SGCZ: variants seen among roughly 807,000 people sequenced by gnomAD.
SGCZ encodes sarcoglycan zeta.
A neutral mutation model predicts 41.3 loss-of-function variants in SGCZ; 40 were observed. The ratio of observed to expected loss-of-function variants is 0.97; its 90% confidence interval spans 0.75 to 1.26. SGCZ has a LOEUF of 1.26. SGCZ is among the 50% of genes most tolerant of loss of function. The pLI, the probability that SGCZ is intolerant of heterozygous loss-of-function variation, is 0.00. For missense variants in SGCZ, 552 were observed against 369.8 expected (o/e 1.49, Z -4.04); for synonymous variants, 206 against 137.5 (o/e 1.50, Z -3.49).
chr8:14,647,618 A>C (rs1349402056), intron 1 of SGCZ, among the ~76,000 whole-genome samples: 1 of 152,090 alleles, frequency 6.6e-6, no homozygotes, highest in African/African-American at 2.4e-5. Context: ...TAAATTATTA[A>C]ATTAATATTA....
intron 3 of SGCZ, among the ~76,000 whole-genome samples, chr8:14,300,702 T>G (rs534036973): frequency 6.6e-6 from 1 of 152,074 alleles, no homozygotes; most frequent in Non-Finnish European, 1.5e-5. Flanking sequence ...ATGTGGTTAA[T>G]TTTGAATTTC....
intron 1 of SGCZ, among the ~76,000 whole-genome samples, chr8:14,975,523 G>C (rs1801437967): frequency 6.6e-6 from 1 of 152,014 alleles, no homozygotes; most frequent in African/African-American, 2.4e-5. Flanking sequence ...TGACCCACTT[G>C]AACACTGTTT....
At chr8:14,642,560 A>G (rs554995605) in intron 1 of SGCZ, among the ~76,000 whole-genome samples, 194 of 151,600 alleles carry the variant, frequency 1.3e-3, no homozygotes, top group Non-Finnish European at 2.4e-3. Context: ...TCTCAGTGAG[A>G]TGAAAATATT....
intron 1 of SGCZ, among the ~76,000 whole-genome samples, chr8:15,108,738 T>C (rs1018638876): frequency 6.6e-6 from 1 of 152,100 alleles, no homozygotes; most frequent in Non-Finnish European, 1.5e-5. Context: ...TGAATAGAAA[T>C]CATTATTAAT....
At chr8:14,771,331 T>G (rs1457668048) in intron 1 of SGCZ, among the ~76,000 whole-genome samples, 1 of 152,138 alleles carries the variant, frequency 6.6e-6, no homozygotes, top group African/African-American at 2.4e-5. Context: ...CTAAGAGTAA[T>G]GGATTAAAAT....
rs145088201 is a variant in SGCZ, at chr8:14,461,258, G to A, written c.234+93474C>T. Among the ~76,000 whole-genome samples the A allele has an allele frequency of 5.3e-5, 8 of 152,146 alleles. 1 individual carries two copies. Among genetic ancestry groups the A allele is most frequent in the African/African-American group, 1.9e-4 (8 of 41,528 alleles). On this transcript the variant is annotated intron_variant, in intron 2 of 7. Transcript: ENST00000382080. ...GTCCTATGAACAGCTAGTCCCACAG[G>A]AAATATCCTCTTCAACTGAAATGGC...
chr8:14,238,585 C>A (rs982683160), intron 3 of SGCZ, among the ~76,000 whole-genome samples: 1 of 152,180 alleles, frequency 6.6e-6, no homozygotes, highest in Non-Finnish European at 1.5e-5. Flanking sequence ...TAACAGCTCA[C>A]ATATTAGGCT....
At chr8:14,650,015 A>G (rs1226637497) in intron 1 of SGCZ, among the ~76,000 whole-genome samples, 1 of 152,104 alleles carries the variant, frequency 6.6e-6, no homozygotes, top group Non-Finnish European at 1.5e-5. Flanking sequence ...AGGAAACTAT[A>G]GTTGGAAATT....
At chr8:14,768,703 C>T (rs986405805) in intron 1 of SGCZ, among the ~76,000 whole-genome samples, 2 of 152,136 alleles carry the variant, frequency 1.3e-5, no homozygotes, top group East Asian at 3.9e-4. Flanking sequence ...GAGTATGATT[C>T]ACTAATTTTG....
chr8:15,163,575 A>G (rs890884066), intron 1 of SGCZ, among the ~76,000 whole-genome samples: 4 of 152,134 alleles, frequency 2.6e-5, no homozygotes, highest in Non-Finnish European at 4.4e-5. Flanking sequence ...TACTTATCCT[A>G]TTTCTTAAAG....
chr8:14,188,762 T>C (rs916000126), intron 4 of SGCZ, among the ~76,000 whole-genome samples: 3 of 152,104 alleles, frequency 2.0e-5, no homozygotes, highest in African/African-American at 7.2e-5. Context: ...TCAACACATA[T>C]CCAAAATAAT....
intron 1 of SGCZ, among the ~76,000 whole-genome samples, chr8:15,229,443 T>C (rs1801879166): frequency 6.6e-6 from 1 of 152,140 alleles, no homozygotes; most frequent in Non-Finnish European, 1.5e-5. Context: ...GTTCCTAAGG[T>C]AAAGGGGAAC....
At chr8:14,623,281 A>G (rs1424086424) in intron 1 of SGCZ, among the ~76,000 whole-genome samples, 1 of 152,366 alleles carries the variant, frequency 6.6e-6, no homozygotes, top group Non-Finnish European at 1.5e-5. Flanking sequence ...AGCAACATTC[A>G]TAACACATTA....
chr8:14,823,667 G>A (rs1802190799), intron 1 of SGCZ, among the ~76,000 whole-genome samples: 1 of 152,116 alleles, frequency 6.6e-6, no homozygotes, highest in Non-Finnish European at 1.5e-5. Flanking sequence ...AAACAGTATA[G>A]GAGTTCTTCC....
chr8:14,684,569 G>A lies in SGCZ; in HGVS notation c.40-129643C>T, dbSNP rs554157996. Among the ~76,000 whole-genome samples the A allele has an allele frequency of 2.6e-4, 40 of 152,154 alleles. 1 individual carries two copies. In the South Asian group the frequency reaches 7.5e-3, roughly 28 times the overall value. The stretch of plus-strand genomic sequence containing the variant: ...TTCATACTGTAAACATGTTGTAGCA[G>A]ATTAAAAATACCTATAAAACACACA... On this transcript the variant is annotated intron_variant, in intron 1 of 7. Transcript: ENST00000382080.
At chr8:14,729,928 T>C (rs1810180177) in intron 1 of SGCZ, among the ~76,000 whole-genome samples, 1 of 152,034 alleles carries the variant, frequency 6.6e-6, no homozygotes, top group African/African-American at 2.4e-5. Flanking sequence ...CTACTAAAAA[T>C]ACAGAAATTA....
In SGCZ at chr8:14,331,151, T is replaced by C. The variant is rs73533347; in HGVS notation, c.235-6947A>G. Among the ~76,000 whole-genome samples the C allele has an allele frequency of 9.8e-3, 1,492 of 151,936 alleles. 16 individuals are homozygous for C. Among genetic ancestry groups the C allele is most frequent in the African/African-American group, 0.021 (891 of 41,526 alleles). On this transcript the variant is annotated intron_variant, in intron 2 of 7. Transcript: ENST00000382080. ...ACAACTTGGAGTTTGGTATGACAAA[T>C]ATTTGTAAGACATTAAGAATTAAAT...
intron 1 of SGCZ, among the ~76,000 whole-genome samples, chr8:14,992,356 A>G (rs1240732157): frequency 6.7e-6 from 1 of 148,750 alleles, no homozygotes; most frequent in East Asian, 2.0e-4. Context: ...TCCCAAATCT[A>G]CTCCCAAAAC....
intron 1 of SGCZ, among the ~76,000 whole-genome samples, chr8:15,029,642 G>C (rs1292323112): frequency 6.6e-6 from 1 of 152,028 alleles, no homozygotes; most frequent in East Asian, 1.9e-4. Context: ...AATGTTACTT[G>C]AGGATTTACA....
Sources: allele counts gnomAD v4.1 joint callset (sites outside exome capture counted in the v4.1 genomes callset), GRCh38; gene constraint gnomAD v4.1.1; transcripts MANE v1.5; gene names NCBI Gene and HGNC (gene_info 2026-07-23, HGNC 2026-07-21).